The following POSTN variants were observed in gnomAD, a reference collection of about 807,000 sequenced individuals.
POSTN encodes the protein periostin.
A neutral mutation model predicts 104.5 loss-of-function variants in POSTN; 71 were observed. The ratio of observed to expected loss-of-function variants is 0.68; its 90% CI spans 0.56 to 0.83. The LOEUF is 0.83. POSTN is among the 40% of genes least tolerant of loss of function. The pLI, the probability that POSTN is intolerant of heterozygous loss-of-function variation, is 0.00. For synonymous variants in POSTN, 355 were observed against 340.7 expected (o/e 1.04, Z -0.46); for missense variants, 949 against 1,006.8 (o/e 0.94, Z 0.78).
At chr13:37,597,685 T>C (rs906667205) in intron 1 of POSTN, among the ~76,000 whole-genome samples, 2 of 152,142 alleles carry the variant, frequency 1.3e-5, no homozygotes, top group African/African-American at 2.4e-5. Context: ...TCTGGAACAA[T>C]GAGAGGTCAG....
intron 21 of POSTN, 110 bp downstream of exon 21, chr13:37,569,188 CTT>C (rs58863577): frequency 0.036 from 19,584 of 541,200 alleles, no homozygotes; most frequent in East Asian, 0.084. Context: ...TGGATGTTGT[CTT>C]TTTTTTTTTT....
intron 17 of POSTN, among the ~76,000 whole-genome samples, chr13:37,573,782 T>G (rs1468287300): frequency 6.6e-6 from 1 of 151,526 alleles, no homozygotes; most frequent in Non-Finnish European, 1.5e-5. Context: ...CTTAAAAAAT[T>G]TAAATTGTGA....
At position 37,584,700 on chromosome 13, in the gene POSTN, A is replaced by C. The variant is rs771238284; in HGVS notation, c.1108+16T>G. The C allele has an allele frequency of 1.2e-5, 20 of 1,600,196 alleles. No homozygotes were observed. Among genetic ancestry groups the C allele is most frequent in the Non-Finnish European group, 1.7e-5 (20 of 1,170,364 alleles). ...TAAGTAAAAAAACAAAAACAAAAAC[A>C]AAAAAAGTTGCTTACCAGAATCAGG... On this transcript the variant is annotated intron_variant, in intron 8 of 22. Transcript: ENST00000379747.
intron 16 of POSTN, among the ~76,000 whole-genome samples, chr13:37,575,421 T>C (rs962950867): frequency 3.9e-5 from 6 of 151,966 alleles, no homozygotes; most frequent in Non-Finnish European, 8.8e-5. Flanking sequence ...ACTCAATATA[T>C]CCATCTATCA....
At chr13:37,590,970 A>G (rs1025643868) in intron 3 of POSTN, among the ~76,000 whole-genome samples, 4 of 152,222 alleles carry the variant, frequency 2.6e-5, no homozygotes, top group African/African-American at 9.6e-5. Flanking sequence ...ATTTCTCCCG[A>G]ACGTCAGAAG....
At chr13:37,571,143 G>T in intron 18 of POSTN, 1 of 419,970 alleles carries the variant, frequency 2.4e-6, no homozygotes, top group Non-Finnish European at 4.2e-6. Flanking sequence ...ATTTTGTTGG[G>T]CCCAGTGACT....
intron 17 of POSTN, among the ~76,000 whole-genome samples, chr13:37,573,239 G>A (rs1314727571): frequency 2.8e-4 from 42 of 151,370 alleles, no homozygotes; most frequent in Non-Finnish European, 5.9e-5. Context: ...GACAAGATTT[G>A]ATTTTAAAAT....
rs147839421 is a variant in POSTN at position 37,590,435 on chromosome 13, G to T, written c.378C>A (p.Ile126=). The change falls in exon 4 of 23, where the codon ATC becomes ATA. Residue 126 remains isoleucine (I), a synonymous_variant. Coordinates refer to ENST00000379747, the MANE Select transcript of POSTN (RefSeq NM_006475.3). ...YSDASKLREE[I]EGKGSFTYFA... ...AGTAAGTGAAGGATCCCTTTCCCTC[G>T]ATCTCCTCCCTCAGTTTTGAGGCGT... 1.6e-5 allele frequency: 25 copies of T among 1,612,334 alleles called. No homozygotes were observed. The highest frequency in any genetic ancestry group is 3.3e-5 in the Admixed American group (2 of 59,836).
At chr13:37,596,770 C>T (rs1951097268) in intron 2 of POSTN, among the ~76,000 whole-genome samples, 1 of 152,184 alleles carries the variant, frequency 6.6e-6, no homozygotes, top group African/African-American at 2.4e-5. Flanking sequence ...CTTTTTGCCT[C>T]AGAAACTCTG....
At chr13:37,569,719 T>C (rs759286377) in intron 20 of POSTN, 25 bp downstream of exon 20, 4 of 1,511,190 alleles carry the variant, frequency 2.6e-6, no homozygotes, top group East Asian at 2.3e-5. Context: ...TAAAGTCACA[T>C]TCTTATTTTC....
chr13:37,590,968 C>T (rs189803968), intron 3 of POSTN, among the ~76,000 whole-genome samples: 400 of 152,154 alleles, frequency 2.6e-3, no homozygotes, highest in African/African-American at 8.5e-3. Context: ...TTATTTCTCC[C>T]GAACGTCAGA....
chr13:37,595,014 T>TA lies in POSTN; in HGVS notation c.218+2169dup, dbSNP rs1157304869. On this transcript the variant is annotated intron_variant, in intron 2 of 22. Coordinates refer to ENST00000379747, the MANE Select transcript of POSTN (RefSeq NM_006475.3). ...AAGGAGACACTGTTACATTTCTGGT[T>TA]AAAAAAAAAAAAAGCCAGGCTTCAA... Among the ~76,000 whole-genome samples, 454 of 136,530 alleles carry TA rather than the reference T, an allele frequency of 3.3e-3. 2 individuals are homozygous for TA. Among genetic ancestry groups the TA allele is most frequent in the East Asian group, 0.032 (153 of 4,828 alleles). 89.6% of individuals were successfully genotyped at this position (136,530 alleles called of 152,430 possible). A position where few individuals can be genotyped will look rare whatever the true frequency, so the allele number is the denominator to read the frequency against.
chr13:37,584,204 C>T, intron 8 of POSTN, 101 bp from the exon 9 acceptor site: 1 of 1,398,166 alleles, frequency 7.2e-7, no homozygotes, highest in Non-Finnish European at 9.7e-7. Context: ...ATATTGTAAG[C>T]TATTTACTGC....
chr13:37,565,206 C>T (rs1950058393), intron 21 of POSTN: 2 of 151,982 alleles, frequency 1.3e-5, no homozygotes, highest in Admixed American at 1.3e-4. Flanking sequence ...TATTTAAGAA[C>T]TGCAAGTGTT....
At chr13:37,590,664 T>C in intron 3 of POSTN, 135 bp from the exon 4 acceptor site, 3 of 684,754 alleles carry the variant, frequency 4.4e-6, no homozygotes, top group Non-Finnish European at 6.4e-6. Flanking sequence ...TGAATAATCA[T>C]TTTTATATAA....
At chr13:37,569,445 TTA>T in intron 20 of POSTN, 62 bp from the exon 21 acceptor site, 2 of 1,285,884 alleles carry the variant, frequency 1.6e-6, no homozygotes, top group Non-Finnish European at 1.1e-6. Flanking sequence ...ACAGCAGACT[TTA>T]TGTCATAAAT....
intron 3 of POSTN, 66 bp downstream of exon 3, chr13:37,592,034 C>A: frequency 8.8e-7 from 1 of 1,139,550 alleles, no homozygotes; most frequent in Non-Finnish European, 1.3e-6. Flanking sequence ...TTGGCTTCTC[C>A]ACAAGCCACC....
chr13:37,577,863 C>A, intron 15 of POSTN, 65 bp from the exon 16 acceptor site: 8 of 1,600,854 alleles, frequency 5.0e-6, no homozygotes, highest in Admixed American at 1.7e-5. Context: ...AACCATGGCA[C>A]CACTTTAATT....
chr13:37,574,551 A>G, intron 17 of POSTN, 21 bp downstream of exon 17: 1 of 1,579,528 alleles, frequency 6.3e-7, no homozygotes, highest in Non-Finnish European at 8.6e-7. Flanking sequence ...AAAAGGAACC[A>G]TGTATAACAT....
Sources: allele counts gnomAD v4.1 joint callset (sites outside exome capture counted in the v4.1 genomes callset), GRCh38; gene constraint gnomAD v4.1.1; transcripts MANE v1.5; gene names NCBI Gene and HGNC (gene_info 2026-07-23, HGNC 2026-07-21).